SUMF1: variants seen among roughly 807,000 people sequenced by gnomAD.
SUMF1 encodes sulfatase modifying factor 1.
A neutral mutation model predicts 47.6 loss-of-function variants in SUMF1; 48 were observed. The ratio of observed to expected loss-of-function variants is 1.01; its 90% confidence interval spans 0.80 to 1.28. The LOEUF is 1.28. Among genes scored for constraint, SUMF1 ranks in the 50% most tolerant of loss-of-function variants. The pLI is 0.00. For missense variants in SUMF1, 571 were observed against 485.4 expected (o/e 1.18, Z -1.66); for synonymous variants, 230 against 192.1 (o/e 1.20, Z -1.63).
At chr3:4,252,369 C>T (rs1421421490) in intron 8 of SUMF1, among the ~76,000 whole-genome samples, 1 of 142,320 alleles carries the variant, frequency 7.0e-6, no homozygotes, top group Non-Finnish European at 1.6e-5. Context: ...CACACACACA[C>T]ACACACACAC....
intron 8 of SUMF1, among the ~76,000 whole-genome samples, chr3:4,340,394 A>AT (rs764397138): frequency 1.3e-5 from 2 of 152,140 alleles, no homozygotes; most frequent in Non-Finnish European, 2.9e-5. Context: ...TCCTTTTGTG[A>AT]ATGCAGAGCT....
At chr3:4,078,742 T>TA (rs111689411) in intron 8 of SUMF1, among the ~76,000 whole-genome samples, 37 of 146,874 alleles carry the variant, frequency 2.5e-4, no homozygotes, top group South Asian at 1.1e-3. Flanking sequence ...CCCCCATCTC[T>TA]AAAAAAAAAA....
chr3:4,039,951 A>G (rs1048271896), intron 9 of SUMF1, among the ~76,000 whole-genome samples: 1 of 152,140 alleles, frequency 6.6e-6, no homozygotes, highest in African/African-American at 2.4e-5. Flanking sequence ...TGAGCCCAGG[A>G]GTTAAGGCTG....
intron 8 of SUMF1, among the ~76,000 whole-genome samples, chr3:4,274,383 T>C (rs114212628): frequency 0.022 from 3,278 of 152,246 alleles, 60 homozygotes; most frequent in Non-Finnish European, 0.032. Context: ...ACTGAAAGCA[T>C]ACTATATTCG....
At chr3:4,299,861 G>C (rs1162341373) in intron 8 of SUMF1, among the ~76,000 whole-genome samples, 2 of 152,192 alleles carry the variant, frequency 1.3e-5, no homozygotes, top group African/African-American at 4.8e-5. Flanking sequence ...GTCAATAAAT[G>C]TTAGCTATTA....
intron 8 of SUMF1, among the ~76,000 whole-genome samples, chr3:4,229,058 C>T (rs1485266): frequency 0.36 from 54,727 of 151,696 alleles, 10,715 homozygotes; most frequent in Non-Finnish European, 0.45. Flanking sequence ...GAGTGATGTA[C>T]GAAGCAATTT....
intron 8 of SUMF1, among the ~76,000 whole-genome samples, chr3:4,208,110 G>A (rs1297307351): frequency 1.3e-5 from 2 of 152,060 alleles, no homozygotes; most frequent in Non-Finnish European, 2.9e-5. Flanking sequence ...ACCCTCAAGA[G>A]AAACAATTTT....
chr3:4,367,144 CAGTT>C (rs994536048), intron 8 of SUMF1, among the ~76,000 whole-genome samples: 1 of 152,136 alleles, frequency 6.6e-6, no homozygotes, highest in Non-Finnish European at 1.5e-5. Context: ...GGGTGCCTCA[CAGTT>C]AGGCTGCTCG....
At chr3:4,128,481 G>T (rs1043911365) in intron 8 of SUMF1, among the ~76,000 whole-genome samples, 3 of 152,168 alleles carry the variant, frequency 2.0e-5, no homozygotes, top group Admixed American at 6.5e-5. Context: ...TTTGTCTGAG[G>T]AGATCAACCC....
At chr3:4,323,852 T>C (rs569227276) in intron 8 of SUMF1, among the ~76,000 whole-genome samples, 104 of 152,282 alleles carry the variant, frequency 6.8e-4, no homozygotes, top group African/African-American at 2.4e-3. Context: ...CTCAGTCAGA[T>C]AGATAAGAGA....
intron 6 of SUMF1, among the ~76,000 whole-genome samples, chr3:4,413,872 A>T (rs960149243): frequency 4.0e-5 from 6 of 151,158 alleles, no homozygotes; most frequent in East Asian, 1.9e-4. Flanking sequence ...CAAAAAAAAA[A>T]TTTTTTTTTA....
At chr3:4,402,864 TA>T (rs963855181) in intron 7 of SUMF1, among the ~76,000 whole-genome samples, 2 of 151,962 alleles carry the variant, frequency 1.3e-5, no homozygotes, top group Non-Finnish European at 2.9e-5. Flanking sequence ...AATAGCTACA[TA>T]AAAAAAATCG....
chr3:4,242,775 A>G (rs1696570821), intron 8 of SUMF1, among the ~76,000 whole-genome samples: 1 of 152,134 alleles, frequency 6.6e-6, no homozygotes, highest in Non-Finnish European at 1.5e-5. Flanking sequence ...GATCAGGATG[A>G]TGTTGGCCTT....
At chr3:4,425,953 GAGATCACATC>G (rs1449426174) in intron 3 of SUMF1, among the ~76,000 whole-genome samples, 2 of 152,294 alleles carry the variant, frequency 1.3e-5, no homozygotes, top group East Asian at 3.9e-4. Context: ...TGTGATCTCA[GAGATCACATC>G]AGATCTCATG....
chr3:4,451,606 A>G (rs76757186), intron 2 of SUMF1, among the ~76,000 whole-genome samples: 1,793 of 152,306 alleles, frequency 0.012, 34 homozygotes, highest in African/African-American at 0.041. Flanking sequence ...TAAGTAAACT[A>G]TTGAGGAACC....
chr3:4,417,265 C>T, intron 5 of SUMF1, 23 bp from the exon 6 acceptor site: 2 of 1,597,474 alleles, frequency 1.3e-6, no homozygotes, highest in Non-Finnish European at 1.7e-6. Flanking sequence ...ACACAGGCAT[C>T]AGCCTGTCAA....
chr3:4,172,411 G>A (rs1238169460), intron 8 of SUMF1, among the ~76,000 whole-genome samples: 2 of 150,374 alleles, frequency 1.3e-5, no homozygotes, highest in Non-Finnish European at 2.9e-5. Context: ...CTAAAAACTA[G>A]GACCTAAAAT....
intron 8 of SUMF1, among the ~76,000 whole-genome samples, chr3:4,319,490 G>A (rs574550482): frequency 2.6e-5 from 4 of 152,292 alleles, no homozygotes; most frequent in Non-Finnish European, 4.4e-5. Context: ...ATCTTATTTC[G>A]ATGTGGTGAT....
At chr3:4,158,389 T>A (rs552226391) in intron 8 of SUMF1, among the ~76,000 whole-genome samples, 14 of 151,570 alleles carry the variant, frequency 9.2e-5, no homozygotes, top group Non-Finnish European at 1.8e-4. Context: ...ATCCCGAGAA[T>A]GATCCATGTG....
Sources: gnomAD v4.1 joint callset for allele counts (sites outside exome capture counted in the v4.1 genomes callset) on GRCh38, gnomAD v4.1.1 for gene constraint, MANE v1.5 for transcripts, NCBI Gene and HGNC (gene_info 2026-07-23, HGNC 2026-07-21) for gene names.